Variants in MYEF2 observed in about 807,000 individuals in gnomAD.
MYEF2 encodes the protein myelin gene expression factor 2.
A neutral mutation model predicts 75.2 loss-of-function variants in MYEF2; 37 were observed. That is an observed-to-expected ratio of 0.49 (90% CI 0.38 to 0.65). The LOEUF is 0.65. Ranked by LOEUF, MYEF2 falls within the 30% of genes least tolerant of loss-of-function variation. The pLI is 0.00. For missense variants in MYEF2, 634 were observed against 771.4 expected (o/e 0.82, Z 2.11); for synonymous variants, 195 against 241.6 (o/e 0.81, Z 1.79).
intron 1 of MYEF2, among the ~76,000 whole-genome samples, chr15:48,173,652 T>C (rs1208279169): frequency 2.0e-5 from 3 of 152,072 alleles, no homozygotes; most frequent in Non-Finnish European, 2.9e-5. Flanking sequence ...TTCAGTAAAG[T>C]TATAGAATAC....
chr15:48,143,476 T>G (rs531389033), intron 16 of MYEF2, among the ~76,000 whole-genome samples: 1 of 152,058 alleles, frequency 6.6e-6, no homozygotes, highest in Non-Finnish European at 1.5e-5. Flanking sequence ...CCCTAATCTC[T>G]CTTCCTTCCC....
At chr15:48,156,471 A>G (rs535466024) in intron 9 of MYEF2, among the ~76,000 whole-genome samples, 1 of 152,040 alleles carries the variant, frequency 6.6e-6, no homozygotes, top group East Asian at 1.9e-4. Context: ...CAAAAACAGA[A>G]AAAATCCTTA....
At chr15:48,152,484 G>C in intron 10 of MYEF2, 200 bp from the exon 11 acceptor site, 1 of 463,352 alleles carries the variant, frequency 2.2e-6, no homozygotes, top group Non-Finnish European at 3.8e-6. Context: ...GGGTTTCTTT[G>C]AACATTTATC....
intron 3 of MYEF2, among the ~76,000 whole-genome samples, chr15:48,166,751 C>G (rs533438200): frequency 6.6e-6 from 1 of 152,048 alleles, no homozygotes; most frequent in South Asian, 2.1e-4. Flanking sequence ...ATCATGCACC[C>G]AACTAGTTTT....
At chr15:48,161,098 G>T (rs1328403007) in intron 5 of MYEF2, among the ~76,000 whole-genome samples, 1 of 152,056 alleles carries the variant, frequency 6.6e-6, no homozygotes, top group South Asian at 2.1e-4. Flanking sequence ...TTGCTGTGTT[G>T]ATCTGTCTTT....
At chr15:48,148,913 A>G in intron 16 of MYEF2, 119 bp downstream of exon 16, 1 of 983,392 alleles carries the variant, frequency 1.0e-6, no homozygotes, top group Non-Finnish European at 1.6e-6. Flanking sequence ...GCACGCTATC[A>G]AGACTATCCA....
chr15:48,160,211 C>A (rs985865557), intron 5 of MYEF2, among the ~76,000 whole-genome samples: 3 of 152,054 alleles, frequency 2.0e-5, no homozygotes, highest in Non-Finnish European at 2.9e-5. Flanking sequence ...TAATTCAAAG[C>A]TTTTCAATAC....
intron 1 of MYEF2, among the ~76,000 whole-genome samples, chr15:48,176,219 T>TA (rs1023560411): frequency 0.018 from 1,123 of 62,932 alleles, 6 homozygotes; most frequent in African/African-American, 0.037. Flanking sequence ...GTTCACGAAG[T>TA]AAAAAAAAAA....
chr15:48,165,507 ACT>A (rs751941892), intron 5 of MYEF2, among the ~76,000 whole-genome samples: 6 of 152,072 alleles, frequency 3.9e-5, no homozygotes, highest in South Asian at 2.1e-4. Context: ...TTTCCAAGTA[ACT>A]CTGATAAAAA....
At chr15:48,175,835 G>A (rs1009468907) in intron 1 of MYEF2, among the ~76,000 whole-genome samples, 1 of 152,082 alleles carries the variant, frequency 6.6e-6, no homozygotes, top group Non-Finnish European at 1.5e-5. Flanking sequence ...ACCATTTGGC[G>A]TTAAAGAAGA....
At position 48,159,780 on chromosome 15, in the gene MYEF2, T is replaced by C. The variant is rs554215906; in HGVS notation, c.550A>G (p.Arg184Gly). The C allele has an allele frequency of 2.5e-6, 4 of 1,613,106 alleles. No homozygotes were observed. The African/African-American group carries it at 4.0e-5, about 16-fold the overall frequency. Reference protein sequence around the residue: ...KEDPDGENARRALQRTGGSFP... With the variant: ...KEDPDGENARGALQRTGGSFP... ...GATCCTCCTGTTCGCTGCAATGCCCTACGAGCATTTTCTCCATCAGGATCC... is the reference window on the plus strand; with the variant it reads ...GATCCTCCTGTTCGCTGCAATGCCCCACGAGCATTTTCTCCATCAGGATCC... Residue 184 changes from arginine to glycine, a missense_variant, in exon 6 of 17, where the codon AGG (arginine) becomes GGG (glycine). Coordinates refer to ENST00000324324, the MANE Select transcript of MYEF2 (RefSeq NM_016132.5).
intron 9 of MYEF2, among the ~76,000 whole-genome samples, chr15:48,154,609 A>G (rs1282150237): frequency 1.3e-5 from 2 of 152,052 alleles, no homozygotes; most frequent in African/African-American, 4.8e-5. Context: ...TGAAGACTGT[A>G]GAATACTTTC....
In MYEF2 at chr15:48,142,829, C is replaced by T. The variant is rs527873659; in HGVS notation, c.*79G>A. 5.9e-6 allele frequency: 8 copies of T among 1,363,884 alleles called. No individual in the cohort carries two copies. Among genetic ancestry groups the T allele is most frequent in the Admixed American group, 2.5e-5 (1 of 40,598 alleles). 84.5% of individuals were successfully genotyped at this position (1,363,884 alleles called of 1,614,324 possible). A position where few individuals can be genotyped will look rare whatever the true frequency, so the allele number is the denominator to read the frequency against. ...CATTTTTACAGCTTTTGTAAGCATA[C>T]AATATTACTTTAAAAAAATGACTTT... On this transcript the variant is annotated 3_prime_UTR_variant, in exon 17 of 17. Transcript: ENST00000324324.
At chr15:48,161,154 A>G (rs1362765521) in intron 5 of MYEF2, among the ~76,000 whole-genome samples, 1 of 152,088 alleles carries the variant, frequency 6.6e-6, no homozygotes, top group Non-Finnish European at 1.5e-5. Flanking sequence ...CAATACATGC[A>G]TACATACATA....
rs1056881664 is a variant in MYEF2 at position 48,141,342 on chromosome 15, G to A, written c.*1566C>T. 7.7e-6 allele frequency: 5 copies of A among 649,752 alleles called. No individual in the cohort carries two copies. In the African/African-American group the frequency reaches 9.2e-5, roughly 12 times the overall value. The allele number at this position is 649,752 out of a possible 1,614,324, so 40.2% of individuals were successfully genotyped here. A position where few individuals can be genotyped will look rare whatever the true frequency, so the allele number is the denominator to read the frequency against. On this transcript the variant is annotated 3_prime_UTR_variant, in exon 17 of 17. Transcript: ENST00000324324. The stretch of plus-strand genomic sequence containing the variant: ...GCCTGTAATCCCAGGATTTTGGGAG[G>A]CCGAGGCGGGTGGATCACGAGGTCA...
chr15:48,177,634 C>T (rs1374924002), intron 1 of MYEF2, among the ~76,000 whole-genome samples: 1 of 152,058 alleles, frequency 6.6e-6, no homozygotes, highest in Admixed American at 6.5e-5. Context: ...AGGAATATTC[C>T]TTTTAAATAT....
chr15:48,135,022 T>C lies in MYEF2; in HGVS notation c.*7886A>G. 1.3e-6 allele frequency: 2 copies of C among 1,502,928 alleles called. No homozygotes were observed. Among genetic ancestry groups the C allele is most frequent in the Non-Finnish European group, 1.8e-6 (2 of 1,086,946 alleles). 93.1% of individuals were successfully genotyped at this position (1,502,928 alleles called of 1,614,324 possible). On this transcript the variant is annotated 3_prime_UTR_variant, in exon 17 of 17. Transcript: ENST00000324324. ...ATAATTCTTATGTAAAAATTAGAGA[T>C]TTTATGAATTTCTGATGGTTCAGTA...
At chr15:48,166,338 C>G (rs2040132115) in intron 3 of MYEF2, among the ~76,000 whole-genome samples, 1 of 151,820 alleles carries the variant, frequency 6.6e-6, no homozygotes, top group South Asian at 2.1e-4. Flanking sequence ...ATAGTAGACT[C>G]TAACATGTAA....
chr15:48,163,241 C>G (rs1309758500), intron 5 of MYEF2, among the ~76,000 whole-genome samples: 1 of 152,200 alleles, frequency 6.6e-6, no homozygotes, highest in Non-Finnish European at 1.5e-5. Context: ...GCTTCTTGAA[C>G]TATTAAGATA....
Sources: allele counts gnomAD v4.1 joint callset (sites outside exome capture counted in the v4.1 genomes callset), GRCh38; gene constraint gnomAD v4.1.1; transcripts MANE v1.5; gene names NCBI Gene and HGNC (gene_info 2026-07-23, HGNC 2026-07-21).